Variants in SLC26A7 observed in about 807,000 individuals in gnomAD.
SLC26A7 encodes the protein anion exchange transporter.
A neutral mutation model predicts 82.5 loss-of-function variants in SLC26A7; 59 were observed. That is an observed-to-expected ratio of 0.72 (90% CI 0.58 to 0.89). The LOEUF (loss-of-function observed/expected upper bound fraction) is 0.89, where lower values mean the gene tolerates loss of function less well. Among genes scored for constraint, SLC26A7 ranks in the 40% least tolerant of loss-of-function variants. SLC26A7 has a pLI of 0.00. For missense variants in SLC26A7, 820 were observed against 793.0 expected (o/e 1.03, Z -0.41); for synonymous variants, 271 against 274.3 (o/e 0.99, Z 0.12).
intron 8 of SLC26A7, among the ~76,000 whole-genome samples, chr8:91,341,731 G>A (rs1813421002): frequency 6.6e-6 from 1 of 151,950 alleles, no homozygotes; most frequent in Non-Finnish European, 1.5e-5. Flanking sequence ...GGCTTATAAG[G>A]CTCTACATAA....
At chr8:91,393,269 G>C (rs1043438635) in intron 16 of SLC26A7, among the ~76,000 whole-genome samples, 1 of 152,006 alleles carries the variant, frequency 6.6e-6, no homozygotes, top group Non-Finnish European at 1.5e-5. Context: ...TCTTAAAAGA[G>C]GCCAAACAAA....
At chr8:91,307,816 T>TA (rs71273693) in intron 4 of SLC26A7, among the ~76,000 whole-genome samples, 130,635 of 150,838 alleles carry the variant, frequency 0.87, 57,186 homozygotes, top group African/African-American at 0.94. Context: ...AATAAATAAA[T>TA]AAAAAAAATA....
chr8:91,344,429 C>A (rs1380111326), intron 9 of SLC26A7, among the ~76,000 whole-genome samples: 2 of 152,124 alleles, frequency 1.3e-5, no homozygotes, highest in African/African-American at 4.8e-5. Flanking sequence ...AGATAGGAAT[C>A]AAATGAGAAC....
At chr8:91,209,886 T>C (rs538154964) in intron 1 of SLC26A7, among the ~76,000 whole-genome samples, 110 of 152,334 alleles carry the variant, frequency 7.2e-4, no homozygotes, top group African/African-American at 2.1e-3. Context: ...AAATGCTTTT[T>C]ACATATTTTT....
At chr8:91,284,923 C>T (rs1215821641) in intron 2 of SLC26A7, among the ~76,000 whole-genome samples, 1 of 152,186 alleles carries the variant, frequency 6.6e-6, no homozygotes, top group Non-Finnish European at 1.5e-5. Flanking sequence ...CATCAAGTGA[C>T]CTCTTACTTT....
In SLC26A7 at chr8:91,295,671, G is replaced by A. The variant is rs1240099005; in HGVS notation, c.445G>A (p.Ala149Thr). The A allele has an allele frequency of 1.9e-6, 3 of 1,613,914 alleles. No individual in the cohort carries two copies. The highest frequency in any genetic ancestry group is 3.3e-5 in the Admixed American group (2 of 60,002). Residue 149 changes from alanine (A) to threonine (T), a missense_variant, in exon 4 of 19, where the codon GCA (alanine) becomes ACA (threonine). Transcript: ENST00000276609. ...TGAAATGCAAAGGATCCACGTTGCT[G>A]CAGCAGTTTCCTTCTTGGGAGGTGT... The part of the protein sequence containing the change: ...DFEMQRIHVA[A>T]AVSFLGGVIQ...
chr8:91,320,200 C>T (rs1456821609), intron 5 of SLC26A7, among the ~76,000 whole-genome samples: 2 of 152,060 alleles, frequency 1.3e-5, no homozygotes, highest in Non-Finnish European at 2.9e-5. Context: ...GTAGCTGGGA[C>T]TACCAGTGCG....
At chr8:91,290,474 C>T (rs1811833988) in intron 3 of SLC26A7, among the ~76,000 whole-genome samples, 1 of 152,152 alleles carries the variant, frequency 6.6e-6, no homozygotes, top group Non-Finnish European at 1.5e-5. Context: ...TTTCTAGAGG[C>T]TTCCTGCATT....
chr8:91,291,111 G>T (rs987438941), intron 3 of SLC26A7, among the ~76,000 whole-genome samples: 1 of 152,024 alleles, frequency 6.6e-6, no homozygotes, highest in Non-Finnish European at 1.5e-5. Flanking sequence ...GAGAACCATG[G>T]ATGTTCTATT....
chr8:91,328,099 T>C (rs1210136507), intron 5 of SLC26A7, among the ~76,000 whole-genome samples: 2 of 152,148 alleles, frequency 1.3e-5, no homozygotes, highest in African/African-American at 4.8e-5. Context: ...TTATTTAATT[T>C]TTAATACTTG....
At chr8:91,238,686 T>C (rs1462837452) in intron 2 of SLC26A7, among the ~76,000 whole-genome samples, 1 of 151,926 alleles carries the variant, frequency 6.6e-6, no homozygotes, top group African/African-American at 2.4e-5. Flanking sequence ...TAAAGACTCC[T>C]ACAATCCCGG....
At chr8:91,389,024 C>T (rs1344203297) in intron 15 of SLC26A7, among the ~76,000 whole-genome samples, 3 of 152,084 alleles carry the variant, frequency 2.0e-5, no homozygotes, top group Non-Finnish European at 4.4e-5. Flanking sequence ...CACTAACTTG[C>T]CAGATATTCT....
At chr8:91,365,806 G>C (rs545735077) in intron 13 of SLC26A7, among the ~76,000 whole-genome samples, 38 of 152,194 alleles carry the variant, frequency 2.5e-4, no homozygotes, top group Admixed American at 1.7e-3. Context: ...CCTCTTCTAT[G>C]GAAGTAAAGC....
chr8:91,381,355 T>A (rs1364671439), intron 15 of SLC26A7, among the ~76,000 whole-genome samples: 1 of 152,094 alleles, frequency 6.6e-6, no homozygotes, highest in Non-Finnish European at 1.5e-5. Context: ...TAAAATAGAA[T>A]ATAAATATAT....
intron 2 of SLC26A7, among the ~76,000 whole-genome samples, chr8:91,260,331 C>T (rs902226110): frequency 1.3e-5 from 2 of 152,110 alleles, no homozygotes; most frequent in Admixed American, 1.3e-4. Flanking sequence ...ATGGGACAAA[C>T]CACCACCGTG....
chr8:91,262,183 A>G (rs1423658344), intron 2 of SLC26A7, among the ~76,000 whole-genome samples: 2 of 152,054 alleles, frequency 1.3e-5, no homozygotes, highest in African/African-American at 4.8e-5. Context: ...CAAAGGTAGG[A>G]TTTAGGTCCG....
chr8:91,259,408 C>G (rs1305451985), intron 2 of SLC26A7, among the ~76,000 whole-genome samples: 1 of 152,080 alleles, frequency 6.6e-6, no homozygotes, highest in African/African-American at 2.4e-5. Flanking sequence ...TCAAGGACAA[C>G]ATGACTGGCC....
intron 2 of SLC26A7, among the ~76,000 whole-genome samples, chr8:91,235,604 T>C (rs1810383853): frequency 6.6e-6 from 1 of 152,130 alleles, no homozygotes; most frequent in South Asian, 2.1e-4. Flanking sequence ...TATTTGGTAA[T>C]TGAAAATTAT....
Position 91,307,816 on chromosome 8 carries a change from TA to T in SLC26A7, c.478-10392del, listed in dbSNP as rs71273693. Among the ~76,000 whole-genome samples, 7 of 150,902 alleles carry T rather than the reference TA, an allele frequency of 4.6e-5. No homozygotes were observed. In the South Asian group the frequency reaches 1.3e-3, roughly 27 times the overall value. On this transcript the variant is annotated intron_variant, in intron 4 of 18. Transcript: ENST00000276609. ...AAGTATAATAATAAAAATAAATAAA[TA>T]AAAAAAATAAATTTCTTAAAATAAA...
Sources: allele counts gnomAD v4.1 joint callset (sites outside exome capture counted in the v4.1 genomes callset), GRCh38; gene constraint gnomAD v4.1.1; transcripts MANE v1.5; gene names NCBI Gene and HGNC (gene_info 2026-07-23, HGNC 2026-07-21).